Variants in VIPR1 observed in about 807,000 individuals in gnomAD.
The protein encoded by VIPR1 is vasoactive intestinal peptide receptor 1, also known as vasoactive intestinal polypeptide receptor 1.
A neutral mutation model predicts 58.8 loss-of-function variants in VIPR1; 59 were observed. The ratio of observed to expected loss-of-function variants is 1.00; its 90% CI spans 0.81 to 1.25. The LOEUF (loss-of-function observed/expected upper bound fraction) is 1.25, where lower values mean the gene tolerates loss of function less well. Among genes scored for constraint, VIPR1 ranks in the 50% most tolerant of loss-of-function variants. The pLI, the probability that VIPR1 is intolerant of heterozygous loss-of-function variation, is 0.00. For missense variants in VIPR1, 626 were observed against 602.7 expected, an observed-to-expected ratio of 1.04 and a Z score of -0.40; for synonymous variants, 251 against 242.1, an observed-to-expected ratio of 1.04 and a Z score of -0.34.
intron 2 of VIPR1, among the ~76,000 whole-genome samples, chr3:42,517,706 G>T (rs554712686): frequency 6.6e-6 from 1 of 152,322 alleles, no homozygotes; most frequent in African/African-American, 2.4e-5. Flanking sequence ...GGGCACGGTG[G>T]CTCATGCCTG....
At chr3:42,500,142 C>T (rs1270673367), upstream of VIPR1, 1 of 152,238 alleles carries the variant, frequency 6.6e-6, no homozygotes, top group East Asian at 1.9e-4. Flanking sequence ...TTCTGATTCA[C>T]CTACTCCCTT....
At position 42,494,923 on chromosome 3, in the gene VIPR1, T is replaced by G. The variant is rs1311286589; in HGVS notation, c.-245+5245T>G. Among the ~76,000 whole-genome samples the G allele has an allele frequency of 2.6e-5, 4 of 152,192 alleles. No individual in the cohort carries two copies. In the East Asian group the frequency reaches 7.7e-4, roughly 29 times the overall value. On this transcript the variant is annotated intron_variant, in intron 1 of 13. Transcript: ENST00000433647. ...TTCATTGTTATTCACTTCTAAATAATGTATAATTCCAATTTTTACTTCCTT... is the reference window on the plus strand; with the variant it reads ...TTCATTGTTATTCACTTCTAAATAAGGTATAATTCCAATTTTTACTTCCTT...
rs1464186922 is a variant in VIPR1, at chr3:42,513,827, G to A, written c.157G>A (p.Glu53Lys). ...IEVQHKQCLE[E>K]AQLENETIGC... The stretch of plus-strand genomic sequence containing the variant: ...GGTGCAGCACAAGCAGTGCCTGGAG[G>A]AGGCCCAGCTGGAGAATGAGACAAT... The change falls in exon 2 of 13, where the codon GAG (glutamate) becomes AAG (lysine). Residue 53 changes from glutamate (E) to lysine (K), a missense_variant. Glu to Lys is a moderately conservative substitution (Grantham distance 56). Coordinates refer to ENST00000325123, the MANE Select transcript of VIPR1 (RefSeq NM_004624.4). The A allele has an allele frequency of 1.3e-6, 2 of 1,551,578 alleles. No homozygotes were observed. Among genetic ancestry groups the A allele is most frequent in the Non-Finnish European group, 1.7e-6 (2 of 1,146,980 alleles).
At chr3:42,523,086 C>CCA (rs1553638527) in intron 3 of VIPR1, among the ~76,000 whole-genome samples, 1 of 151,318 alleles carries the variant, frequency 6.6e-6, no homozygotes, top group African/African-American at 2.4e-5. Context: ...ATGCCCTGAC[C>CCA]CCGCCCCCAG....
chr3:42,534,670 C>A, intron 10 of VIPR1: 1 of 225,388 alleles, frequency 4.4e-6, no homozygotes, highest in Non-Finnish European at 8.7e-6. Context: ...CTGTTAGCAT[C>A]ATTCTCACTG....
chr3:42,533,297 G>C (rs1360770538), intron 10 of VIPR1: 3 of 152,142 alleles, frequency 2.0e-5, no homozygotes, highest in East Asian at 1.9e-4. Context: ...GCTGGATTTA[G>C]GATTCTATTC....
intron 10 of VIPR1, chr3:42,533,389 G>A (rs1475204601): frequency 2.1e-5 from 3 of 145,110 alleles, no homozygotes; most frequent in African/African-American, 5.3e-5. Context: ...GTGTGTAGGC[G>A]GAGCTTCCCT....
At position 42,520,175 on chromosome 3, in the gene VIPR1, G is replaced by A. The variant is rs146936197; in HGVS notation, c.292+845G>A. ...AACTGAGAGAGAGAATCAACAGCCC[G>A]TGGAACAAGCATCCAAGGAAGTTCC... On this transcript the variant is annotated intron_variant, in intron 3 of 12. Transcript: ENST00000325123. 2.3e-3 allele frequency among the ~76,000 whole-genome samples: 348 copies of A among 152,266 alleles called. 2 individuals carry two copies. The highest frequency in any genetic ancestry group is 3.4e-3 in the Non-Finnish European group (229 of 68,034).
intron 3 of VIPR1, 39 bp from the exon 4 acceptor site, chr3:42,525,848 C>A (rs756818716): frequency 6.4e-7 from 1 of 1,553,152 alleles, no homozygotes; most frequent in South Asian, 1.2e-5. Context: ...CCCATGCTCC[C>A]GGCCTCAGCC....
chr3:42,502,907 G>A (rs1699934759), intron 1 of VIPR1, 94 bp downstream of exon 1: 2 of 997,586 alleles, frequency 2.0e-6, no homozygotes, highest in Non-Finnish European at 2.6e-6. Flanking sequence ...CCGTCTGTGC[G>A]CGTGTCTGTG....
rs145214226 is a variant in VIPR1, at chr3:42,531,066, A to G, written c.790+134A>G. 2.6e-4 allele frequency: 316 copies of G among 1,210,098 alleles called. 2 individuals carry two copies. The African/African-American group carries it at 3.5e-3, about 13-fold the overall frequency. 75.0% of individuals were successfully genotyped at this position (1,210,098 alleles called of 1,614,324 possible). A position where few individuals can be genotyped will look rare whatever the true frequency, so the allele number is the denominator to read the frequency against. On this transcript the variant is annotated intron_variant, in intron 7 of 12. Coordinates refer to ENST00000325123, the MANE Select transcript of VIPR1 (RefSeq NM_004624.4). ...TGCAGGTCCTGCCTGCAAGGATATCAGCCAAGGGTCAAGAAAGTCCTCAAA... is the reference window on the plus strand; with the variant it reads ...TGCAGGTCCTGCCTGCAAGGATATCGGCCAAGGGTCAAGAAAGTCCTCAAA...
intron 2 of VIPR1, chr3:42,516,501 TC>T (rs1700634324): frequency 6.6e-6 from 1 of 152,442 alleles, no homozygotes; most frequent in Admixed American, 6.5e-5. Context: ...AAGTGTGGCC[TC>T]CCAAGGGCAG....
intron 3 of VIPR1, among the ~76,000 whole-genome samples, chr3:42,520,923 C>T (rs941107105): frequency 1.2e-4 from 19 of 152,096 alleles, no homozygotes; most frequent in African/African-American, 4.6e-4. Context: ...CCAGTGCCCA[C>T]CTAGCCTGGT....
At chr3:42,497,551 GTC>G (rs1559474965) in intron 1 of VIPR1, among the ~76,000 whole-genome samples, 1 of 152,202 alleles carries the variant, frequency 6.6e-6, no homozygotes, top group Non-Finnish European at 1.5e-5. Flanking sequence ...CCCCTTTAGA[GTC>G]TCCCACACTC....
intron 8 of VIPR1, 26 bp from the exon 9 acceptor site, chr3:42,531,777 C>G (rs1701569031): frequency 2.5e-6 from 4 of 1,613,908 alleles, no homozygotes; most frequent in Non-Finnish European, 3.4e-6. Flanking sequence ...GACAATCCCT[C>G]TCATTCCTCC....
Position 42,536,407 on chromosome 3 carries a change from GC to G in VIPR1, c.*131del, listed in dbSNP as rs1329450797. On this transcript the variant is annotated 3_prime_UTR_variant, in exon 13 of 13. Transcript: ENST00000325123. ...GCCCTGGGCTCGGAGGCTGCCCCCGGCCCCCTGGTCTCTGGTCCGGACACTC... is the reference window on the plus strand; with the variant it reads ...GCCCTGGGCTCGGAGGCTGCCCCCGGCCCCTGGTCTCTGGTCCGGACACTC... The G allele has an allele frequency of 2.8e-5, 30 of 1,064,374 alleles. No individual in the cohort carries two copies. The highest frequency in any genetic ancestry group is 3.8e-5 in the Non-Finnish European group (29 of 773,242). The allele number at this position is 1,064,374 out of a possible 1,614,324, so 65.9% of individuals were successfully genotyped here. A position where few individuals can be genotyped will look rare whatever the true frequency, so the allele number is the denominator to read the frequency against.
chr3:42,528,081 C>T lies in VIPR1; in HGVS notation c.594C>T (p.Ala198=). 6.2e-7 allele frequency: 1 copy of T among 1,614,024 alleles called. No individual in the cohort carries two copies. The highest frequency in any genetic ancestry group is 8.5e-7 in the Non-Finnish European group (1 of 1,179,954). ...CCGCTGTCTTCATCAAAGACTTGGC[C>T]CTCTTCGACAGCGGGGAGTCGGACC... ...RAAAVFIKDL[A]LFDSGESDQC... The change falls in exon 6 of 13, where the codon GCC becomes GCT. Residue 198 remains alanine (A), a synonymous_variant. Coordinates refer to ENST00000325123, the MANE Select transcript of VIPR1 (RefSeq NM_004624.4).
intron 1 of VIPR1, among the ~76,000 whole-genome samples, chr3:42,510,760 T>G (rs999667749): frequency 5.3e-5 from 8 of 152,068 alleles, no homozygotes; most frequent in African/African-American, 1.9e-4. Flanking sequence ...ACACCCACTG[T>G]TTCATAAACA....
In VIPR1 at chr3:42,491,197, A is replaced by G. The variant is rs528605717; in HGVS notation, c.-245+1519A>G. Reference sequence around the variant, plus strand: ...AGGGGAGTCTCTGTATGAAATTTGAATGTGTGAATCTCTGTATTTAAGCAA... The same window carrying G: ...AGGGGAGTCTCTGTATGAAATTTGAGTGTGTGAATCTCTGTATTTAAGCAA... On this transcript the variant is annotated intron_variant, in intron 1 of 13. Coordinates refer to the VIPR1 transcript ENST00000433647. Among the ~76,000 whole-genome samples, 5 of 152,358 alleles carry G rather than the reference A, an allele frequency of 3.3e-5. No individual in the cohort carries two copies. In the South Asian group the frequency reaches 1.0e-3, roughly 32 times the overall value.
Sources: gnomAD v4.1 joint callset for allele counts (sites outside exome capture counted in the v4.1 genomes callset) on GRCh38, gnomAD v4.1.1 for gene constraint, MANE v1.5 for transcripts, NCBI Gene and HGNC (gene_info 2026-07-23, HGNC 2026-07-21) for gene names.